SLC4A10: variants seen among roughly 807,000 people sequenced by gnomAD.
SLC4A10 encodes the protein sodium-driven chloride bicarbonate exchanger.
Under a neutral mutation model 137.7 loss-of-function variants are expected in SLC4A10, and 42 were observed. That is an observed-to-expected ratio of 0.30 (90% CI 0.24 to 0.39). The LOEUF (loss-of-function observed/expected upper bound fraction) is 0.39. Ranked by LOEUF, SLC4A10 falls within the 10% of genes least tolerant of loss-of-function variation. SLC4A10 has a pLI of 1.00. For missense variants in SLC4A10, 925 were observed against 1,355.0 expected (o/e 0.68, Z 4.98); for synonymous variants, 474 against 464.1 (o/e 1.02, Z -0.27).
At chr2:161,882,888 T>A (rs1227490936) in intron 10 of SLC4A10, among the ~76,000 whole-genome samples, 1 of 152,126 alleles carries the variant, frequency 6.6e-6, no homozygotes, top group African/African-American at 2.4e-5. Context: ...TAGATATTTT[T>A]AACCTGGGAG....
At chr2:161,744,724 A>G (rs2125267198) in intron 1 of SLC4A10, among the ~76,000 whole-genome samples, 1 of 152,286 alleles carries the variant, frequency 6.6e-6, no homozygotes, top group South Asian at 2.1e-4. Flanking sequence ...GAAAACTAAT[A>G]AAAACTCCAC....
chr2:161,843,883 C>T (rs2059338624), intron 4 of SLC4A10, among the ~76,000 whole-genome samples: 1 of 151,938 alleles, frequency 6.6e-6, no homozygotes, highest in East Asian at 1.9e-4. Context: ...CTGTCATTGC[C>T]AAGTAAAACT....
chr2:161,765,869 C>T (rs758619684), intron 1 of SLC4A10, among the ~76,000 whole-genome samples: 2 of 151,984 alleles, frequency 1.3e-5, no homozygotes, highest in African/African-American at 2.4e-5. Flanking sequence ...GCTGTATGTC[C>T]CTCTGCATTC....
intron 3 of SLC4A10, among the ~76,000 whole-genome samples, chr2:161,806,067 C>T (rs2055915541): frequency 6.6e-6 from 1 of 152,200 alleles, no homozygotes; most frequent in African/African-American, 2.4e-5. Context: ...CGTACACCTG[C>T]AGGCTCAACA....
At chr2:161,947,427 T>A in intron 16 of SLC4A10, 139 bp from the exon 17 acceptor site, 3 of 818,790 alleles carry the variant, frequency 3.7e-6, no homozygotes, top group Non-Finnish European at 5.4e-6. Context: ...CGTAATGTAA[T>A]GCCTGCTAAA....
chr2:161,918,046 T>C (rs1687449243), intron 15 of SLC4A10, among the ~76,000 whole-genome samples: 1 of 152,234 alleles, frequency 6.6e-6, no homozygotes, highest in Admixed American at 6.5e-5. Flanking sequence ...CACTGGTTTG[T>C]ACAAATTCAT....
At chr2:161,970,322 T>G (rs891654497) in intron 23 of SLC4A10, among the ~76,000 whole-genome samples, 1 of 152,222 alleles carries the variant, frequency 6.6e-6, no homozygotes, top group Non-Finnish European at 1.5e-5. Context: ...GTTAGTTTTA[T>G]GTATTGGCTC....
At chr2:161,845,832 A>G (rs1272705782) in intron 4 of SLC4A10, among the ~76,000 whole-genome samples, 1 of 152,184 alleles carries the variant, frequency 6.6e-6, no homozygotes, top group African/African-American at 2.4e-5. Context: ...ATTAATTTAA[A>G]ATAGTTTATA....
chr2:161,947,499 T>TA, intron 16 of SLC4A10, 67 bp from the exon 17 acceptor site: 2 of 1,508,722 alleles, frequency 1.3e-6, no homozygotes, highest in Non-Finnish European at 1.8e-6. Flanking sequence ...CAGAAGGTGT[T>TA]AGTTTTCTGC....
At chr2:161,799,843 G>A (rs970793971) in intron 2 of SLC4A10, among the ~76,000 whole-genome samples, 3 of 151,912 alleles carry the variant, frequency 2.0e-5, no homozygotes, top group Admixed American at 6.6e-5. Flanking sequence ...ACAGTTATGC[G>A]CACAGGAGGG....
intron 11 of SLC4A10, among the ~76,000 whole-genome samples, chr2:161,898,511 CTT>C: frequency 6.6e-6 from 1 of 152,256 alleles, no homozygotes; most frequent in East Asian, 1.9e-4. Context: ...ACCTCATACT[CTT>C]TCAAATTTTT....
intron 2 of SLC4A10, among the ~76,000 whole-genome samples, chr2:161,792,763 T>C (rs538760380): frequency 6.6e-6 from 1 of 152,246 alleles, no homozygotes; most frequent in South Asian, 2.1e-4. Flanking sequence ...AGCCAAACAC[T>C]GAGGGTGCTG....
At chr2:161,703,914 T>A (rs1020315812) in intron 1 of SLC4A10, among the ~76,000 whole-genome samples, 3 of 151,766 alleles carry the variant, frequency 2.0e-5, no homozygotes, top group African/African-American at 7.2e-5. Flanking sequence ...ATAATTAGGA[T>A]TTCAATAGAA....
chr2:161,782,748 G>C (rs2053185623), intron 2 of SLC4A10, among the ~76,000 whole-genome samples: 1 of 146,512 alleles, frequency 6.8e-6, no homozygotes, highest in African/African-American at 2.5e-5. Flanking sequence ...TCAAGCTAAA[G>C]AAAGAATCAG....
intron 1 of SLC4A10, among the ~76,000 whole-genome samples, chr2:161,744,185 G>A (rs1158527984): frequency 1.3e-5 from 2 of 152,038 alleles, no homozygotes; most frequent in Non-Finnish European, 2.9e-5. Flanking sequence ...AGCAGTCAAA[G>A]TGGGCATCCT....
chr2:161,718,103 T>C (rs1404260549), intron 1 of SLC4A10, among the ~76,000 whole-genome samples: 1 of 152,200 alleles, frequency 6.6e-6, no homozygotes, highest in East Asian at 1.9e-4. Flanking sequence ...TAGAGGTGTT[T>C]ATAGTATTCT....
chr2:161,947,163 G>A (rs768528349), intron 16 of SLC4A10, among the ~76,000 whole-genome samples: 1 of 152,060 alleles, frequency 6.6e-6, no homozygotes, highest in Non-Finnish European at 1.5e-5. Context: ...TATGGTATTG[G>A]TGTGAAAAGT....
intron 1 of SLC4A10, among the ~76,000 whole-genome samples, chr2:161,658,080 A>T (rs1019680643): frequency 2.0e-5 from 3 of 152,142 alleles, no homozygotes; most frequent in Non-Finnish European, 4.4e-5. Flanking sequence ...CCTGCAAGCA[A>T]TGAGTAGCTT....
intron 11 of SLC4A10, among the ~76,000 whole-genome samples, chr2:161,895,849 T>C (rs978388108): frequency 1.2e-4 from 18 of 152,028 alleles, no homozygotes; most frequent in African/African-American, 1.9e-4. Context: ...AAAATTTTCT[T>C]CCATTTTGTA....
Sources: allele counts gnomAD v4.1 joint callset (sites outside exome capture counted in the v4.1 genomes callset), GRCh38; gene constraint gnomAD v4.1.1; transcripts MANE v1.5; gene names NCBI Gene and HGNC (gene_info 2026-07-23, HGNC 2026-07-21).